LPAR3: variants seen among roughly 807,000 people sequenced by gnomAD.
LPAR3 encodes lysophosphatidic acid receptor 3.
Under a neutral mutation model 17.8 loss-of-function variants are expected in LPAR3, and 7 were observed. The observed-to-expected ratio is 0.39, with a 90% CI of 0.22 to 0.74. LPAR3 has a LOEUF of 0.74. LPAR3 is among the 30% of genes least tolerant of loss of function. LPAR3 has a pLI of 0.40. For missense variants in LPAR3, 391 were observed against 453.4 expected, an observed-to-expected ratio of 0.86 and a Z score of 1.25; for synonymous variants, 179 against 179.9, an observed-to-expected ratio of 0.99 and a Z score of 0.04.
chr1:84,852,314 C>T (rs937466561), intron 2 of LPAR3, among the ~76,000 whole-genome samples: 1 of 152,086 alleles, frequency 6.6e-6, no homozygotes. Flanking sequence ...CTCTTGACCT[C>T]GTGATCTGCC....
chr1:84,877,662 G>C (rs903673355), intron 1 of LPAR3, among the ~76,000 whole-genome samples: 8 of 152,062 alleles, frequency 5.3e-5, no homozygotes, highest in African/African-American at 1.9e-4. Flanking sequence ...TTTTATACAT[G>C]TTACATTGAT....
intron 2 of LPAR3, among the ~76,000 whole-genome samples, chr1:84,849,249 C>T (rs1659653664): frequency 6.6e-6 from 1 of 151,646 alleles, no homozygotes; most frequent in African/African-American, 2.4e-5. Flanking sequence ...GTGGTGGGCA[C>T]CTGTAGTCCC....
rs1224261623 is a variant in LPAR3 at position 84,865,851 on chromosome 1, T to C, written c.270A>G (p.Thr90=). Residue 90 remains threonine (T), a synonymous_variant, in exon 2 of 3, where the codon ACA becomes ACG. Coordinates refer to ENST00000370611, the MANE Select transcript of LPAR3 (RefSeq NM_012152.3). ...GIAYVFLMFN[T]GPVSKTLTVN... ...CAGTCAAAGTTTTTGAAACTGGGCC[T>C]GTGTTAAACATCAGGAATACATAGG... 2.5e-6 allele frequency: 4 copies of C among 1,614,156 alleles called. No homozygotes were observed. The South Asian group carries it at 3.3e-5, about 13-fold the overall frequency.
chr1:84,892,373 G>T (rs989915298), intron 1 of LPAR3, among the ~76,000 whole-genome samples: 1 of 152,050 alleles, frequency 6.6e-6, no homozygotes, highest in Non-Finnish European at 1.5e-5. Flanking sequence ...GAATTTCTAA[G>T]CAATTTTGTG....
intron 1 of LPAR3, among the ~76,000 whole-genome samples, chr1:84,868,061 T>A (rs546969904): frequency 6.6e-6 from 1 of 152,344 alleles, no homozygotes; most frequent in Admixed American, 6.5e-5. Flanking sequence ...AGGATATAAA[T>A]CTATTTAAGG....
chr1:84,816,243 A>C (rs1658929610), intron 2 of LPAR3, among the ~76,000 whole-genome samples: 1 of 152,208 alleles, frequency 6.6e-6, no homozygotes, highest in African/African-American at 2.4e-5. Context: ...CATATTAGTA[A>C]GTTTTTAGCC....
intron 2 of LPAR3, 72 bp from the exon 3 acceptor site, chr1:84,814,243 G>T: frequency 7.6e-7 from 1 of 1,311,758 alleles, no homozygotes; most frequent in Non-Finnish European, 1.1e-6. Context: ...TTCTCTCCCA[G>T]CCTTTAGCCA....
chr1:84,859,574 A>T (rs1417649481), intron 2 of LPAR3, among the ~76,000 whole-genome samples: 1 of 152,184 alleles, frequency 6.6e-6, no homozygotes, highest in African/African-American at 2.4e-5. Context: ...CAGCACACAC[A>T]CAGGCACGCA....
rs1485477399 is a variant in LPAR3, at chr1:84,823,529, C to T, written c.737-9358G>A. On this transcript the variant is annotated intron_variant, in intron 2 of 2. Transcript: ENST00000370611. ...CTAGTGTTGGGTATTTTGACTCTAA[C>T]AACTGGTTTTAGATACTTGTTTTAA... Among the ~76,000 whole-genome samples, 5 of 152,136 alleles carry T rather than the reference C, an allele frequency of 3.3e-5. No homozygotes were observed. The East Asian group carries it at 5.8e-4, about 18-fold the overall frequency.
chr1:84,892,858 G>A (rs1158010448), intron 1 of LPAR3, among the ~76,000 whole-genome samples, 158 bp downstream of exon 1: 1 of 152,188 alleles, frequency 6.6e-6, no homozygotes, highest in Admixed American at 6.5e-5. Context: ...TTGTCCCGGG[G>A]TTTGGAGTGG....
chr1:84,850,172 C>A (rs1659673931), intron 2 of LPAR3, among the ~76,000 whole-genome samples: 1 of 151,990 alleles, frequency 6.6e-6, no homozygotes, highest in African/African-American at 2.4e-5. Context: ...GCCTTTTGAA[C>A]AAAAGACCCA....
rs1274265374 is a variant in LPAR3, at chr1:84,813,156, T to TAGAGAGAGAGAGAGAGAGAG, written c.*689_*690insCTCTCTCTCTCTCTCTCTCT. The TAGAGAGAGAGAGAGAGAGAG allele has an allele frequency of 1.2e-4, 12 of 102,190 alleles. No individual in the cohort carries two copies. Among genetic ancestry groups the TAGAGAGAGAGAGAGAGAGAG allele is most frequent in the African/African-American group, 4.0e-4 (11 of 27,520 alleles). The allele number at this position is 102,190 out of a possible 1,614,324, so 6.3% of individuals were successfully genotyped here. A position where few individuals can be genotyped will look rare whatever the true frequency, so the allele number is the denominator to read the frequency against. ...ATATATATATATATATATATATATA[T>TAGAGAGAGAGAGAGAGAGAG]ATAGACACACACACACACACACACA... On this transcript the variant is annotated 3_prime_UTR_variant, in exon 3 of 3. Transcript: ENST00000370611.
intron 2 of LPAR3, among the ~76,000 whole-genome samples, chr1:84,831,992 C>T (rs1659292399): frequency 6.6e-6 from 1 of 151,774 alleles, no homozygotes; most frequent in South Asian, 2.1e-4. Flanking sequence ...GTAAAAACTC[C>T]CATTAGAGAA....
intron 1 of LPAR3, among the ~76,000 whole-genome samples, chr1:84,869,822 T>A (rs1202015607): frequency 6.6e-6 from 1 of 152,226 alleles, no homozygotes; most frequent in Admixed American, 6.5e-5. Context: ...AAGATTTGCA[T>A]ATGTTCAGTT....
chr1:84,878,095 C>T (rs1373543068), intron 1 of LPAR3, among the ~76,000 whole-genome samples: 1 of 151,884 alleles, frequency 6.6e-6, no homozygotes. Flanking sequence ...TTGACTTAAC[C>T]TCACTTCTAA....
intron 1 of LPAR3, among the ~76,000 whole-genome samples, chr1:84,887,678 C>T (rs1660486150): frequency 6.6e-6 from 1 of 152,282 alleles, no homozygotes; most frequent in South Asian, 2.1e-4. Context: ...CATGTGCCTT[C>T]TGTTGTAAGA....
intron 2 of LPAR3, among the ~76,000 whole-genome samples, chr1:84,829,921 T>C (rs921180350): frequency 2.6e-5 from 4 of 151,822 alleles, no homozygotes; most frequent in African/African-American, 9.7e-5. Context: ...GGCGATGCCA[T>C]TAAGGTATCC....
At chr1:84,844,516 C>T (rs1028701970) in intron 2 of LPAR3, among the ~76,000 whole-genome samples, 1 of 152,100 alleles carries the variant, frequency 6.6e-6, no homozygotes, top group Non-Finnish European at 1.5e-5. Flanking sequence ...TGAATAAATA[C>T]AATTCACAAA....
chr1:84,839,792 T>C (rs1424698073), intron 2 of LPAR3, among the ~76,000 whole-genome samples: 1 of 152,218 alleles, frequency 6.6e-6, no homozygotes, highest in East Asian at 1.9e-4. Flanking sequence ...TTCCAATTAC[T>C]GTGTGACCTG....
Sources: allele counts gnomAD v4.1 joint callset (sites outside exome capture counted in the v4.1 genomes callset), GRCh38; gene constraint gnomAD v4.1.1; transcripts MANE v1.5; gene names NCBI Gene and HGNC (gene_info 2026-07-23, HGNC 2026-07-21).